Variants in ACER2 observed in about 807,000 individuals in gnomAD.
The protein encoded by ACER2 is alkCDase 2.
A neutral mutation model predicts 34.7 loss-of-function variants in ACER2; 26 were observed. That is an observed-to-expected ratio of 0.75 (90% CI 0.55 to 1.04). The LOEUF (loss-of-function observed/expected upper bound fraction) is 1.04, where lower values mean the gene tolerates loss of function less well. Among genes scored for constraint, ACER2 ranks in the 50% least tolerant of loss-of-function variants. The pLI is 0.00. For synonymous variants in ACER2, 138 were observed against 132.1 expected (o/e 1.04, Z -0.31); for missense variants, 352 against 340.8 (o/e 1.03, Z -0.26).
chr9:19,439,343 GC>G (rs970536657), intron 4 of ACER2, among the ~76,000 whole-genome samples: 22 of 107,732 alleles, frequency 2.0e-4, no homozygotes, highest in African/African-American at 7.3e-4. Flanking sequence ...AAAGGGGCTT[GC>G]TTTTTTTTTT....
intron 3 of ACER2, among the ~76,000 whole-genome samples, chr9:19,425,812 A>T (rs1201354114): frequency 6.6e-6 from 1 of 152,228 alleles, no homozygotes; most frequent in Non-Finnish European, 1.5e-5. Context: ...TGTTTTGTCA[A>T]AATATACATA....
rs1830488893 is a variant in ACER2 at position 19,423,996 on chromosome 9, A to C, written c.223+20A>C. 6.4e-7 allele frequency: 1 copy of C among 1,560,296 alleles called. No individual in the cohort carries two copies. Among genetic ancestry groups the C allele is most frequent in the Non-Finnish European group, 8.8e-7 (1 of 1,130,960 alleles). On this transcript the variant is annotated intron_variant, in intron 2 of 5. Transcript: ENST00000340967. ...TAGTGGGTAAGTGGAGTCATTTGGG[A>C]ACACGGACTTAATGGGGTGGTGGGA...
intron 4 of ACER2, among the ~76,000 whole-genome samples, chr9:19,444,039 G>A (rs996503866): frequency 1.3e-5 from 2 of 151,878 alleles, no homozygotes; most frequent in Non-Finnish European, 2.9e-5. Context: ...ATGGCAGGGT[G>A]CCCTGAGAGA....
chr9:19,431,567 AGGGCCCTGCACGTGATGGCTGT>A (rs2132495832), intron 3 of ACER2, among the ~76,000 whole-genome samples: 2 of 152,340 alleles, frequency 1.3e-5, no homozygotes, highest in African/African-American at 4.8e-5. Flanking sequence ...TGGGTCCCCA[AGGGCCCTGCACGTGATGGCTGT>A]GGGCCCTCAC....
At chr9:19,426,320 CTT>C (rs200733418) in intron 3 of ACER2, among the ~76,000 whole-genome samples, 7 of 140,900 alleles carry the variant, frequency 5.0e-5, no homozygotes, top group African/African-American at 1.7e-4. Context: ...TTCTTTCTTT[CTT>C]TTTCTTTCTT....
At chr9:19,437,425 G>T (rs1256209288) in intron 4 of ACER2, among the ~76,000 whole-genome samples, 3 of 152,178 alleles carry the variant, frequency 2.0e-5, no homozygotes, top group African/African-American at 7.2e-5. Flanking sequence ...ATCGCCCTCT[G>T]CAATGTTTCA....
At chr9:19,448,779 G>T (rs1461133753) in intron 5 of ACER2, among the ~76,000 whole-genome samples, 1 of 152,126 alleles carries the variant, frequency 6.6e-6, no homozygotes. Context: ...CTTTTCAAAT[G>T]TCAATTTGTG....
rs745582466 is a variant in ACER2, at chr9:19,424,717, T to G, written c.241T>G (p.Phe81Val). The change falls in exon 3 of 6, where the codon TTC becomes GTC. Residue 81 changes from phenylalanine to valine, a missense_variant. By Grantham distance (50) the Phe-to-Val change is conservative. Transcript: ENST00000340967. ...GATTCTAGGAATTGGATCCGTCTAC[T>G]TCCATGCAACCCTTAGTTTCTTGGG... ...LVVVGIGSVY[F>V]HATLSFLGQM... 4.3e-6 allele frequency: 7 copies of G among 1,613,922 alleles called. No individual in the cohort carries two copies. The South Asian group carries it at 7.7e-5, about 18-fold the overall frequency.
intron 1 of ACER2, among the ~76,000 whole-genome samples, chr9:19,422,457 A>G (rs1185879429): frequency 6.6e-6 from 1 of 152,252 alleles, no homozygotes; most frequent in Non-Finnish European, 1.5e-5. Context: ...GCTTAAATCC[A>G]TACCAAAATC....
In ACER2 at chr9:19,441,271, A is replaced by C. The variant is rs144273369; in HGVS notation, c.504-5010A>C. Among the ~76,000 whole-genome samples the C allele has an allele frequency of 1.6e-3, 240 of 152,172 alleles. 1 individual carries two copies. The highest frequency in any genetic ancestry group is 5.6e-3 in the African/African-American group (233 of 41,508). Reference sequence around the variant, plus strand: ...TCACCATGTTAGCCAGGATGGTCTCAATCTGCTGACCTCATGATCTGCCCT... The same window carrying C: ...TCACCATGTTAGCCAGGATGGTCTCCATCTGCTGACCTCATGATCTGCCCT... On this transcript the variant is annotated intron_variant, in intron 4 of 5. Transcript: ENST00000340967.
intron 4 of ACER2, among the ~76,000 whole-genome samples, chr9:19,444,097 T>C (rs1376038431): frequency 2.8e-5 from 4 of 143,228 alleles, no homozygotes; most frequent in Non-Finnish European, 6.0e-5. Context: ...CTGGGCCATA[T>C]TGGAAGAAAA....
chr9:19,435,564 G>A (rs183348970), intron 4 of ACER2, among the ~76,000 whole-genome samples: 1 of 152,152 alleles, frequency 6.6e-6, no homozygotes, highest in African/African-American at 2.4e-5. Flanking sequence ...CTTTGCATTA[G>A]CATTTTCTTT....
chr9:19,417,918 G>A (rs1171667873), intron 1 of ACER2, among the ~76,000 whole-genome samples: 1 of 151,894 alleles, frequency 6.6e-6, no homozygotes, highest in Non-Finnish European at 1.5e-5. Context: ...AGGTTGAACA[G>A]TTAACCTACA....
intron 4 of ACER2, among the ~76,000 whole-genome samples, chr9:19,440,265 C>T (rs1488788849): frequency 1.3e-5 from 2 of 152,190 alleles, no homozygotes; most frequent in Non-Finnish European, 2.9e-5. Flanking sequence ...TGCGTAGACT[C>T]CTACTTTTCT....
rs370420069 is a variant in ACER2, at chr9:19,450,420, C to A, written c.642-30C>A. On this transcript the variant is annotated intron_variant, in intron 5 of 5. Transcript: ENST00000340967. ...AGGGCAGCGGAGTCTTCATGCTCAT[C>A]AGGTTCTCACCTCTTGTCTCCCTCT... 118 of 1,555,124 alleles carry A rather than the reference C, an allele frequency of 7.6e-5. No homozygotes were observed. The African/African-American group carries it at 1.5e-3, about 20-fold the overall frequency.
intron 1 of ACER2, among the ~76,000 whole-genome samples, chr9:19,419,295 T>G (rs1183653151): frequency 6.6e-6 from 1 of 152,236 alleles, no homozygotes; most frequent in Non-Finnish European, 1.5e-5. Context: ...TTGACCACAT[T>G]TCTTTTCTTT....
intron 4 of ACER2, 63 bp from the exon 5 acceptor site, chr9:19,446,218 G>T (rs1002686413): frequency 1.2e-6 from 2 of 1,613,116 alleles, no homozygotes; most frequent in South Asian, 1.1e-5. Context: ...ACACAGGAAA[G>T]GTGGCCAGCA....
intron 1 of ACER2, among the ~76,000 whole-genome samples, chr9:19,419,733 A>G (rs188549078): frequency 6.6e-6 from 1 of 152,334 alleles, no homozygotes; most frequent in East Asian, 1.9e-4. Context: ...GTTGCACTCC[A>G]GCCTGGACTA....
intron 5 of ACER2, among the ~76,000 whole-genome samples, chr9:19,449,123 C>A (rs1238858317): frequency 1.3e-5 from 2 of 152,116 alleles, no homozygotes; most frequent in African/African-American, 4.8e-5. Flanking sequence ...GAGTGAGACC[C>A]CGTCTCCAAA....
Sources: gnomAD v4.1 joint callset for allele counts (sites outside exome capture counted in the v4.1 genomes callset) on GRCh38, gnomAD v4.1.1 for gene constraint, MANE v1.5 for transcripts, NCBI Gene and HGNC (gene_info 2026-07-23, HGNC 2026-07-21) for gene names.